Variants in FILIP1L observed in about 807,000 individuals in gnomAD.
The protein encoded by FILIP1L is filamin A-interacting protein 1-like.
In FILIP1L, 55 loss-of-function variants were observed where a neutral mutation model predicts 96.6. That is an observed-to-expected ratio of 0.57 (90% confidence interval 0.46 to 0.71). The LOEUF is 0.71. Ranked by LOEUF, FILIP1L falls within the 30% of genes least tolerant of loss-of-function variation. FILIP1L has a pLI of 0.00. For synonymous variants in FILIP1L, 467 were observed against 473.9 expected (o/e 0.99, Z 0.19); for missense variants, 1,304 against 1,321.2 (o/e 0.99, Z 0.20).
chr3:100,049,990 A>G (rs1385503149), intron 1 of FILIP1L, among the ~76,000 whole-genome samples: 1 of 152,164 alleles, frequency 6.6e-6, no homozygotes, highest in African/African-American at 2.4e-5. Context: ...AGGACCATAT[A>G]CTGTGTGGTT....
chr3:99,830,236 C>T lies in FILIP1L; in HGVS notation c.*178G>A. 1 of 337,828 alleles carries T rather than the reference C, an allele frequency of 3.0e-6. No homozygotes were observed. The highest frequency in any genetic ancestry group is 2.4e-5 in the South Asian group (1 of 41,708). 20.9% of individuals were successfully genotyped at this position (337,828 alleles called of 1,614,324 possible). On this transcript the variant is annotated 3_prime_UTR_variant, in exon 6 of 6. Transcript: ENST00000477258. Reference sequence around the variant, plus strand: ...CTGCGAGTGTTTGTGTGTGCATATACACATATAGAAGTAAAATAATTGTAG... The same window carrying T: ...CTGCGAGTGTTTGTGTGTGCATATATACATATAGAAGTAAAATAATTGTAG...
chr3:99,889,179 T>G (rs1269879822), intron 4 of FILIP1L, among the ~76,000 whole-genome samples: 1 of 152,122 alleles, frequency 6.6e-6, no homozygotes, highest in African/African-American at 2.4e-5. Flanking sequence ...TCTGCTTGGT[T>G]TATTAATAAC....
intron 1 of FILIP1L, among the ~76,000 whole-genome samples, chr3:100,037,015 G>T (rs1181578227): frequency 6.6e-6 from 1 of 152,126 alleles, no homozygotes; most frequent in Non-Finnish European, 1.5e-5. Flanking sequence ...AGCCATTTCA[G>T]ATTAAAAGAA....
At chr3:100,101,558 A>T (rs2107457835) in intron 1 of FILIP1L, among the ~76,000 whole-genome samples, 1 of 152,270 alleles carries the variant, frequency 6.6e-6, no homozygotes, top group African/African-American at 2.4e-5. Flanking sequence ...TACCCTTCAA[A>T]GTAACACATG....
intron 1 of FILIP1L, among the ~76,000 whole-genome samples, chr3:100,073,926 A>G (rs1051269892): frequency 9.9e-5 from 15 of 152,154 alleles, no homozygotes; most frequent in African/African-American, 3.6e-4. Context: ...GTTTTCACAG[A>G]GGAAGTAATG....
intron 1 of FILIP1L, among the ~76,000 whole-genome samples, chr3:100,053,051 C>A (rs1222645017): frequency 6.6e-6 from 1 of 152,142 alleles, no homozygotes; most frequent in Non-Finnish European, 1.5e-5. Context: ...TATTTCTATT[C>A]TCTCCTGAAA....
chr3:99,881,633 G>C (rs1217380328), intron 4 of FILIP1L, among the ~76,000 whole-genome samples: 1 of 151,726 alleles, frequency 6.6e-6, no homozygotes, highest in Non-Finnish European at 1.5e-5. Flanking sequence ...CCTGGGTTCA[G>C]ACAGTTCTCC....
At chr3:100,075,158 A>G (rs1046307946) in intron 1 of FILIP1L, among the ~76,000 whole-genome samples, 1 of 152,198 alleles carries the variant, frequency 6.6e-6, no homozygotes, top group African/African-American at 2.4e-5. Context: ...ATTACATTAG[A>G]TAGAGATCGT....
chr3:99,834,318 A>G (rs1421578497), intron 5 of FILIP1L, among the ~76,000 whole-genome samples: 1 of 152,246 alleles, frequency 6.6e-6, no homozygotes, highest in Non-Finnish European at 1.5e-5. Flanking sequence ...TATGGCTTAT[A>G]TTAAAGAGTT....
intron 1 of FILIP1L, among the ~76,000 whole-genome samples, chr3:100,072,224 T>A (rs1217264971): frequency 6.6e-6 from 1 of 152,242 alleles, no homozygotes; most frequent in Non-Finnish European, 1.5e-5. Flanking sequence ...CTTTCAGCTC[T>A]ATCTCCCCAA....
chr3:99,921,240 G>A (rs1420438167), intron 4 of FILIP1L, among the ~76,000 whole-genome samples: 1 of 152,164 alleles, frequency 6.6e-6, no homozygotes, highest in Non-Finnish European at 1.5e-5. Context: ...CACACTACGG[G>A]TATTTCACAC....
At chr3:100,057,472 A>G (rs1326668786) in intron 1 of FILIP1L, among the ~76,000 whole-genome samples, 1 of 152,240 alleles carries the variant, frequency 6.6e-6, no homozygotes, top group Non-Finnish European at 1.5e-5. Context: ...CGGTTTCTCC[A>G]AACTCTGAAA....
intron 1 of FILIP1L, among the ~76,000 whole-genome samples, chr3:99,992,371 TATA>T (rs1434525414): frequency 6.6e-6 from 1 of 152,142 alleles, no homozygotes; most frequent in Non-Finnish European, 1.5e-5. Flanking sequence ...TTCTGACTGA[TATA>T]AGGGAGTATC....
chr3:99,832,560 A>AGG (rs1553686269), intron 5 of FILIP1L, among the ~76,000 whole-genome samples: 7 of 120,808 alleles, frequency 5.8e-5, no homozygotes, highest in Admixed American at 4.8e-4. Flanking sequence ...AAAAAAAAAA[A>AGG]GGCCTAGCGC....
intron 1 of FILIP1L, among the ~76,000 whole-genome samples, chr3:100,092,984 G>A (rs1038803809): frequency 2.0e-5 from 3 of 151,898 alleles, no homozygotes; most frequent in African/African-American, 7.3e-5. Flanking sequence ...CCAGCCTGAT[G>A]CTAAAGGTTC....
At chr3:99,975,605 A>G (rs1708947267) in intron 1 of FILIP1L, among the ~76,000 whole-genome samples, 1 of 152,092 alleles carries the variant, frequency 6.6e-6, no homozygotes, top group Non-Finnish European at 1.5e-5. Flanking sequence ...AAAAATTGAT[A>G]CTTCATGTGG....
chr3:100,090,022 C>G (rs1170478935), intron 1 of FILIP1L, among the ~76,000 whole-genome samples: 1 of 152,236 alleles, frequency 6.6e-6, no homozygotes, highest in African/African-American at 2.4e-5. Context: ...GCTAGCTTTT[C>G]TCCTGATAGG....
intron 1 of FILIP1L, among the ~76,000 whole-genome samples, chr3:99,988,043 G>A (rs1709398128): frequency 6.6e-6 from 1 of 152,042 alleles, no homozygotes; most frequent in South Asian, 2.1e-4. Context: ...AAAATGTAAG[G>A]TTAAGCTGTA....
At chr3:99,983,462 G>GTATATGTATATATATATGTATA (rs1466852207) in intron 1 of FILIP1L, among the ~76,000 whole-genome samples, 3 of 11,998 alleles carry the variant, frequency 2.5e-4, no homozygotes, top group African/African-American at 6.5e-4. Flanking sequence ...ATATATATGT[G>GTATATGTATATATATATGTATA]TGTATATATA....
Sources: allele counts gnomAD v4.1 joint callset (sites outside exome capture counted in the v4.1 genomes callset), GRCh38; gene constraint gnomAD v4.1.1; transcripts MANE v1.5; gene names NCBI Gene and HGNC (gene_info 2026-07-23, HGNC 2026-07-21).